UBE2QL1: variants seen among roughly 807,000 people sequenced by gnomAD.
UBE2QL1 encodes the protein ubiquitin-conjugating enzyme E2Q-like protein 1.
Under a neutral mutation model 12.6 loss-of-function variants are expected in UBE2QL1, and 5 were observed. The ratio of observed to expected loss-of-function variants is 0.40; its 90% CI spans 0.21 to 0.83. The LOEUF is 0.83. UBE2QL1 is among the 40% of genes least tolerant of loss of function. The probability of loss-of-function intolerance (pLI) is 0.37; values close to 1 mark genes in which losing one functional copy is unlikely to be tolerated. For missense variants in UBE2QL1, 99 were observed against 222.6 expected, an observed-to-expected ratio of 0.44 and a Z score of 3.53; for synonymous variants, 96 against 94.5, an observed-to-expected ratio of 1.02 and a Z score of -0.10.
At chr5:6,473,869 G>A (rs1248181503) in intron 1 of UBE2QL1, among the ~76,000 whole-genome samples, 1 of 152,118 alleles carries the variant, frequency 6.6e-6, no homozygotes, top group African/African-American at 2.4e-5. Context: ...TTGTTCTTAT[G>A]CCATTTAAAA....
chr5:6,473,029 T>A (rs1219958814), intron 1 of UBE2QL1, among the ~76,000 whole-genome samples: 1 of 152,242 alleles, frequency 6.6e-6, no homozygotes, highest in Non-Finnish European at 1.5e-5. Flanking sequence ...CACGGCTTTC[T>A]GCTGCCATTG....
rs115577505 is a variant in UBE2QL1, at chr5:6,491,091, G to T, written c.355-127G>T. 290 of 1,075,430 alleles carry T rather than the reference G, an allele frequency of 2.7e-4. 1 individual carries two copies. The African/African-American group carries it at 4.4e-3, about 16-fold the overall frequency. The allele number at this position is 1,075,430 out of a possible 1,614,324, so 66.6% of individuals were successfully genotyped here. On this transcript the variant is annotated intron_variant, in intron 1 of 1. Coordinates refer to ENST00000399816, the MANE Select transcript of UBE2QL1 (RefSeq NM_001145161.3). Reference sequence around the variant, plus strand: ...CAGTGAGGCTGCCCCCACCCTGCTGGTGGCCAGTGCATTGCATTGATTCAG... The same window carrying T: ...CAGTGAGGCTGCCCCCACCCTGCTGTTGGCCAGTGCATTGCATTGATTCAG...
At chr5:6,487,248 A>G (rs1560937315) in intron 1 of UBE2QL1, among the ~76,000 whole-genome samples, 1 of 152,230 alleles carries the variant, frequency 6.6e-6, no homozygotes, top group Non-Finnish European at 1.5e-5. Flanking sequence ...TTCATGCTGC[A>G]TCATTGCTAT....
At chr5:6,467,259 A>G (rs1016417156) in intron 1 of UBE2QL1, among the ~76,000 whole-genome samples, 1 of 151,240 alleles carries the variant, frequency 6.6e-6, no homozygotes, top group African/African-American at 2.4e-5. Context: ...GCATTATCCT[A>G]CATTATTTGA....
intron 1 of UBE2QL1, among the ~76,000 whole-genome samples, chr5:6,462,890 G>GT (rs1249261488): frequency 6.6e-6 from 1 of 152,192 alleles, no homozygotes; most frequent in Non-Finnish European, 1.5e-5. Context: ...TTTGTAATTT[G>GT]TTTGGTCTTA....
chr5:6,457,343 C>G (rs929060946), intron 1 of UBE2QL1, among the ~76,000 whole-genome samples: 3 of 152,012 alleles, frequency 2.0e-5, no homozygotes, highest in African/African-American at 7.2e-5. Flanking sequence ...TCAATAAAAG[C>G]GATGACTTCC....
intron 1 of UBE2QL1, among the ~76,000 whole-genome samples, chr5:6,473,804 C>A (rs1321289462): frequency 6.6e-6 from 1 of 152,150 alleles, no homozygotes; most frequent in East Asian, 1.9e-4. Context: ...TTGAATCTTA[C>A]CACAAGCCAA....
intron 1 of UBE2QL1, among the ~76,000 whole-genome samples, chr5:6,459,609 T>C (rs1739608840): frequency 1.3e-5 from 2 of 152,188 alleles, no homozygotes; most frequent in Non-Finnish European, 1.5e-5. Flanking sequence ...TATATTTAAA[T>C]ACAGTTATCA....
Position 6,495,263 on chromosome 5 carries a change from G to T in UBE2QL1, c.*3914G>T, listed in dbSNP as rs948652987. On this transcript the variant is annotated 3_prime_UTR_variant, in exon 2 of 2. Transcript: ENST00000399816. ...GTCCCACCTGACAGCCTAGCCTGGCGTGTGGAGCTTGCCCTGTGTGTAGCA... is the reference window on the plus strand; with the variant it reads ...GTCCCACCTGACAGCCTAGCCTGGCTTGTGGAGCTTGCCCTGTGTGTAGCA... 6.6e-6 allele frequency among the ~76,000 whole-genome samples: 1 copy of T among 152,182 alleles called. No individual in the cohort carries two copies. Among genetic ancestry groups the T allele is most frequent in the Non-Finnish European group, 1.5e-5 (1 of 68,020 alleles).
At chr5:6,472,618 G>A (rs1048273848) in intron 1 of UBE2QL1, among the ~76,000 whole-genome samples, 1 of 152,064 alleles carries the variant, frequency 6.6e-6, no homozygotes, top group Non-Finnish European at 1.5e-5. Flanking sequence ...TCCCTGCATT[G>A]TGTCCGGGTT....
At chr5:6,455,706 G>A (rs1432319282) in intron 1 of UBE2QL1, among the ~76,000 whole-genome samples, 1 of 152,084 alleles carries the variant, frequency 6.6e-6, no homozygotes, top group African/African-American at 2.4e-5. Context: ...AAAGCTGCCT[G>A]ACGCTGGCCA....
Position 6,476,150 on chromosome 5 carries a change from G to A in UBE2QL1, c.355-15068G>A, listed in dbSNP as rs1455738598. ...CTCAGGGAGCTTTCCAGTGGCACTGGGGCTCCCTTATTCCTAGGAGGCGGG... is the reference window on the plus strand; with the variant it reads ...CTCAGGGAGCTTTCCAGTGGCACTGAGGCTCCCTTATTCCTAGGAGGCGGG... On this transcript the variant is annotated intron_variant, in intron 1 of 1. Transcript: ENST00000399816. The surrounding 1 kb of genome is among the most constrained non-coding windows in gnomAD (Gnocchi z 4.9). 6.6e-6 allele frequency among the ~76,000 whole-genome samples: 1 copy of A among 152,000 alleles called. No homozygotes were observed. The highest frequency in any genetic ancestry group is 1.5e-5 in the Non-Finnish European group (1 of 67,992).
chr5:6,475,384 G>A (rs1195811521), intron 1 of UBE2QL1, among the ~76,000 whole-genome samples: 1 of 151,196 alleles, frequency 6.6e-6, no homozygotes, highest in Non-Finnish European at 1.5e-5. Flanking sequence ...ATAGAACACG[G>A]CATTTTCCAC....
chr5:6,449,877 A>ACCCCCCCCCCC (rs1439163512), intron 1 of UBE2QL1, among the ~76,000 whole-genome samples: 1 of 122,582 alleles, frequency 8.2e-6, no homozygotes, highest in Admixed American at 8.3e-5. Flanking sequence ...AACCCCCCCC[A>ACCCCCCCCCCC]CACACACACA....
At chr5:6,473,022 G>T (rs535488011) in intron 1 of UBE2QL1, among the ~76,000 whole-genome samples, 1 of 152,080 alleles carries the variant, frequency 6.6e-6, no homozygotes, top group Non-Finnish European at 1.5e-5. Context: ...CTTTTCCCAC[G>T]GCTTTCTGCT....
In UBE2QL1 at chr5:6,449,028, G is replaced by A. The variant is rs1442331896; in HGVS notation, c.135G>A (p.Lys45=). ...DKDSVLWQDM[K]ETNTEFILLN... ...ACTCGGTGCTGTGGCAGGACATGAA[G>A]GAGACCAACACCGAGTTCATCCTGC... Residue 45 remains lysine, a synonymous_variant, in exon 1 of 2, where the codon AAG becomes AAA. Coordinates refer to ENST00000399816, the MANE Select transcript of UBE2QL1 (RefSeq NM_001145161.3). 1 of 1,549,256 alleles carries A rather than the reference G, an allele frequency of 6.5e-7. No homozygotes were observed.
At position 6,476,962 on chromosome 5, in the gene UBE2QL1, C is replaced by T. The variant is rs1734247782; in HGVS notation, c.355-14256C>T. ...CCGAAATTCCCACCTTCACCCCATC[C>T]TCCCCAGGATGGCCCACATGGAAGC... is the stretch of plus-strand genomic sequence containing the variant. On this transcript the variant is annotated intron_variant, in intron 1 of 1. Coordinates refer to ENST00000399816, the MANE Select transcript of UBE2QL1 (RefSeq NM_001145161.3). The surrounding 1 kb of genome is among the most constrained non-coding windows in gnomAD (Gnocchi z 4.9). Among the ~76,000 whole-genome samples, 2 of 152,154 alleles carry T rather than the reference C, an allele frequency of 1.3e-5. No individual in the cohort carries two copies. Among genetic ancestry groups the T allele is most frequent in the Admixed American group, 6.5e-5 (1 of 15,282 alleles).
intron 1 of UBE2QL1, among the ~76,000 whole-genome samples, chr5:6,458,839 T>C (rs565084212): frequency 2.1e-4 from 32 of 152,226 alleles, no homozygotes; most frequent in Non-Finnish European, 4.1e-4. Context: ...ATGTAACTTT[T>C]TAAGAGTCAT....
chr5:6,457,618 T>C (rs1398831616), intron 1 of UBE2QL1, among the ~76,000 whole-genome samples: 2 of 152,208 alleles, frequency 1.3e-5, no homozygotes, highest in Non-Finnish European at 2.9e-5. Context: ...TGTGAATGAT[T>C]TGATTAAATC....
Sources: allele counts gnomAD v4.1 joint callset (sites outside exome capture counted in the v4.1 genomes callset), GRCh38; gene constraint gnomAD v4.1.1; non-coding constraint Gnocchi (gnomAD v3.1); transcripts MANE v1.5; gene names NCBI Gene and HGNC (gene_info 2026-07-23, HGNC 2026-07-21).